The following CRB1 variants were observed in gnomAD, a reference collection of about 807,000 sequenced individuals.
The protein encoded by CRB1 is crumbs cell polarity complex component 1, also known as protein crumbs homolog 1.
A neutral mutation model predicts 120.0 loss-of-function variants in CRB1; 83 were observed. The ratio of observed to expected loss-of-function variants is 0.69; its 90% confidence interval spans 0.58 to 0.83. The LOEUF (loss-of-function observed/expected upper bound fraction) is 0.83, where lower values mean the gene tolerates loss of function less well. CRB1 is among the 40% of genes least tolerant of loss of function. CRB1 has a pLI of 0.00. For synonymous variants in CRB1, 625 were observed against 612.5 expected, an observed-to-expected ratio of 1.02 and a Z score of -0.30; for missense variants, 1,699 against 1,687.6, an observed-to-expected ratio of 1.01 and a Z score of -0.12.
chr1:197,442,385 A>T, intron 11 of CRB1, 93 bp downstream of exon 11: 1 of 1,607,876 alleles, frequency 6.2e-7, no homozygotes, highest in Middle Eastern at 1.7e-4. Flanking sequence ...ATGACGAGCC[A>T]GTTGTTGAGT....
At chr1:197,289,394 A>G (rs964385864) in intron 1 of CRB1, among the ~76,000 whole-genome samples, 2 of 150,918 alleles carry the variant, frequency 1.3e-5, no homozygotes, top group African/African-American at 4.9e-5. Context: ...GGTGCTCCCT[A>G]TTTTCTTTCT....
At chr1:197,217,789 C>T in the CRB1 span, among the ~76,000 whole-genome samples, 1 of 152,046 alleles carries the variant, frequency 6.6e-6, no homozygotes, top group Non-Finnish European at 1.5e-5. Context: ...TCAAATTGCA[C>T]GTATTAAAAT....
At chr1:197,404,914 A>C (rs1430530250) in intron 5 of CRB1, among the ~76,000 whole-genome samples, 1 of 152,226 alleles carries the variant, frequency 6.6e-6, no homozygotes, top group Non-Finnish European at 1.5e-5. Context: ...TCAAAGTTTC[A>C]ATTTATTCAG....
At chr1:197,261,553 C>T in the CRB1 span, among the ~76,000 whole-genome samples, 3 of 152,290 alleles carry the variant, frequency 2.0e-5, no homozygotes, top group Admixed American at 2.0e-4. Context: ...TGTCTCTATT[C>T]ATCTATCCAT....
At chr1:197,271,597 T>G (rs748510847) in intron 1 of CRB1, among the ~76,000 whole-genome samples, 26 of 152,208 alleles carry the variant, frequency 1.7e-4, no homozygotes, top group Admixed American at 1.4e-3. Context: ...AATTAAATTT[T>G]AATAATTCAA....
intron 5 of CRB1, among the ~76,000 whole-genome samples, chr1:197,376,810 T>C (rs574018704): frequency 6.6e-6 from 1 of 152,290 alleles, no homozygotes; most frequent in East Asian, 1.9e-4. Context: ...GTGGCTCACA[T>C]GTTCTCAATA....
Position 197,381,784 on chromosome 1 carries a change from T to C in CRB1, c.1171+24771T>C, listed in dbSNP as rs138555619. Among the ~76,000 whole-genome samples the C allele has an allele frequency of 5.9e-4, 90 of 152,300 alleles. 2 individuals are homozygous for C. The East Asian group carries it at 0.015, about 25-fold the overall frequency. The stretch of plus-strand genomic sequence containing the variant: ...ATCCACTTAACTAACATGAAAAATT[T>C]TAGAAATTTACACACTGATTGGTGA... On this transcript the variant is annotated intron_variant, in intron 5 of 11. Transcript: ENST00000367400.
intron 5 of CRB1, among the ~76,000 whole-genome samples, chr1:197,382,597 T>C (rs1446488412): frequency 1.3e-5 from 2 of 152,194 alleles, no homozygotes; most frequent in Non-Finnish European, 2.9e-5. Flanking sequence ...CTGCTTTAAG[T>C]ATCAAATGAA....
Position 197,328,629 on chromosome 1 carries a change from G to C in CRB1, c.278G>C (p.Ser93Thr). Residue 93 changes from serine to threonine, a missense_variant, in exon 2 of 12, where the codon AGC becomes ACC. Coordinates refer to ENST00000367400, the MANE Select transcript of CRB1 (RefSeq NM_201253.3). The stretch of plus-strand genomic sequence containing the variant: ...TGTGTGAACACCCCAGGAGAAAGGA[G>C]CTTTCTGTGCAAATGTCCTCCTGGG... ...ATCVNTPGERSFLCKCPPGYS... is the reference protein window; with the variant it reads ...ATCVNTPGERTFLCKCPPGYS... 1 of 1,614,206 alleles carries C rather than the reference G, an allele frequency of 6.2e-7. No individual in the cohort carries two copies. Among genetic ancestry groups the C allele is most frequent in the Non-Finnish European group, 8.5e-7 (1 of 1,180,024 alleles).
At chr1:197,369,021 G>A (rs771574670) in intron 5 of CRB1, among the ~76,000 whole-genome samples, 1 of 152,122 alleles carries the variant, frequency 6.6e-6, no homozygotes, top group Non-Finnish European at 1.5e-5. Flanking sequence ...GTAAGAAGCT[G>A]ATGAAAATGT....
upstream of CRB1, among the ~76,000 whole-genome samples, chr1:197,266,804 T>G (rs1431774285): frequency 6.6e-6 from 1 of 152,210 alleles, no homozygotes; most frequent in Non-Finnish European, 1.5e-5. Flanking sequence ...AACAGAAGGC[T>G]TTCTAATACC....
the CRB1 span, among the ~76,000 whole-genome samples, chr1:197,220,892 A>G: frequency 6.6e-6 from 1 of 151,978 alleles, no homozygotes. Context: ...GAGGCTTCCC[A>G]CTCATGCTTC....
chr1:197,370,457 A>G (rs117202001), intron 5 of CRB1, among the ~76,000 whole-genome samples: 1,729 of 152,312 alleles, frequency 0.011, 60 homozygotes, highest in Admixed American at 0.062. Flanking sequence ...AATTTTAAAA[A>G]GTAGAAATTG....
intron 7 of CRB1, chr1:197,428,824 T>A: frequency 1.4e-6 from 1 of 726,522 alleles, no homozygotes; most frequent in Non-Finnish European, 2.2e-6. Flanking sequence ...AGAAAGGTTA[T>A]GTAACTAGCC....
the CRB1 span, among the ~76,000 whole-genome samples, chr1:197,214,814 C>T: frequency 6.6e-6 from 1 of 152,000 alleles, no homozygotes; most frequent in Admixed American, 6.6e-5. Flanking sequence ...AGAAATACCT[C>T]CAAACTCTTT....
intron 1 of CRB1, among the ~76,000 whole-genome samples, chr1:197,288,685 G>A (rs987953324): frequency 6.6e-5 from 10 of 151,820 alleles, no homozygotes; most frequent in African/African-American, 2.2e-4. Context: ...CAAGGTATAA[G>A]ACGAAAAGTA....
In CRB1 at chr1:197,421,960, A is replaced by T; in HGVS notation, c.2128+4A>T. The T allele has an allele frequency of 6.2e-7, 1 of 1,613,286 alleles. No individual in the cohort carries two copies. On this transcript the variant is annotated splice_donor_region_variant and intron_variant, in intron 6 of 11. Coordinates refer to ENST00000367400, the MANE Select transcript of CRB1 (RefSeq NM_201253.3). ...GAAGGCCCCAACTGTCTGAGAGGTG[A>T]GAGAAAGCTGAGTGCTATGGCTAGG...
At chr1:197,220,782 A>T in the CRB1 span, among the ~76,000 whole-genome samples, 1 of 152,118 alleles carries the variant, frequency 6.6e-6, no homozygotes, top group Admixed American at 6.6e-5. Context: ...TGAGCTGATC[A>T]TTTAAAAGTG....
At chr1:197,208,942 T>A in the CRB1 span, among the ~76,000 whole-genome samples, 1 of 152,066 alleles carries the variant, frequency 6.6e-6, no homozygotes. Context: ...CTCAGGCCAA[T>A]GGAGTTACGT....
Sources: gnomAD v4.1 joint callset for allele counts (sites outside exome capture counted in the v4.1 genomes callset) on GRCh38, gnomAD v4.1.1 for gene constraint, MANE v1.5 for transcripts, NCBI Gene and HGNC (gene_info 2026-07-23, HGNC 2026-07-21) for gene names.